The following HS1BP3 variants were observed in gnomAD, a reference collection of about 807,000 sequenced individuals.
The protein encoded by HS1BP3 is HCLS1-binding protein 3.
HS1BP3 carries 32 observed loss-of-function variants against 33.5 expected under a neutral mutation model. The ratio of observed to expected loss-of-function variants is 0.95; its 90% confidence interval spans 0.72 to 1.28. HS1BP3 has a LOEUF of 1.28. Among genes scored for constraint, HS1BP3 ranks in the 50% most tolerant of loss-of-function variants. The probability of loss-of-function intolerance (pLI) is 0.00; values close to 1 mark genes in which losing one functional copy is unlikely to be tolerated. For missense variants in HS1BP3, 486 were observed against 502.3 expected (o/e 0.97, Z 0.31); for synonymous variants, 187 against 209.2 (o/e 0.89, Z 0.92).
At chr2:20,603,710 C>T (rs12987883) in intron 2 of HS1BP3, among the ~76,000 whole-genome samples, 27,578 of 152,148 alleles carry the variant, frequency 0.18, 2,737 homozygotes, top group Non-Finnish European at 0.23. Context: ...TGAATTTACA[C>T]CTTAAGTGAG....
chr2:20,576,120 A>G (rs1192770521), intron 5 of HS1BP3, among the ~76,000 whole-genome samples: 1 of 152,148 alleles, frequency 6.6e-6, no homozygotes, highest in Non-Finnish European at 1.5e-5. Context: ...CTGGGACTAC[A>G]GGTATATGTC....
chr2:20,586,295 T>C (rs563902934), intron 5 of HS1BP3: 2 of 152,308 alleles, frequency 1.3e-5, no homozygotes, highest in South Asian at 2.1e-4. Flanking sequence ...CAGACATCTT[T>C]CACAACAGAG....
At chr2:20,592,413 T>A (rs11096678), downstream of HS1BP3, 152,225 of 165,450 alleles carry the variant, frequency 0.92, 71,385 homozygotes, top group East Asian at 1. Context: ...AGTTCTAGCC[T>A]TCACTCACCT....
chr2:20,577,431 C>T (rs1459960643), intron 5 of HS1BP3, among the ~76,000 whole-genome samples: 2 of 152,116 alleles, frequency 1.3e-5, no homozygotes, highest in African/African-American at 4.8e-5. Flanking sequence ...AGGGCCTTGT[C>T]CAGGGCTTCC....
chr2:20,596,010 G>A (rs947021546), intron 3 of HS1BP3, among the ~76,000 whole-genome samples: 1 of 152,206 alleles, frequency 6.6e-6, no homozygotes, highest in Non-Finnish European at 1.5e-5. Flanking sequence ...GAAATGTAAA[G>A]CAGAGTGGTC....
At chr2:20,648,051 T>TA (rs1185577881) in intron 1 of HS1BP3, among the ~76,000 whole-genome samples, 1 of 152,210 alleles carries the variant, frequency 6.6e-6, no homozygotes, top group Non-Finnish European at 1.5e-5. Context: ...TGGCTGCTCC[T>TA]AAGGCCAACC....
At chr2:20,638,771 T>G in intron 3 of HS1BP3, 119 bp from the exon 4 acceptor site, 2 of 763,706 alleles carry the variant, frequency 2.6e-6, no homozygotes, top group Admixed American at 2.7e-5. Context: ...TGCAGCCTCC[T>G]GGGACCAAAC....
At chr2:20,614,022 T>C (rs1457073431), downstream of HS1BP3, among the ~76,000 whole-genome samples, 2 of 152,184 alleles carry the variant, frequency 1.3e-5, no homozygotes. Flanking sequence ...ATCCAATGAC[T>C]GGTATTCTTT....
rs377095058 is a variant in HS1BP3 at position 20,631,553 on chromosome 2, A to AAAAAAT, written c.624-6662_624-6661insATTTTT. Reference sequence around the variant, plus strand: ...AAAAAAAAAAAAAAAAAAAAAAAAAAGGGGCCAGCCAGGGAGGTCACCATG... The same window carrying AAAAAAT: ...AAAAAAAAAAAAAAAAAAAAAAAAAAAAAAATGGGGCCAGCCAGGGAGGTCACCATG... On this transcript the variant is annotated intron_variant, in intron 4 of 6. Coordinates refer to ENST00000304031, the MANE Select transcript of HS1BP3 (RefSeq NM_022460.4). Among the ~76,000 whole-genome samples the AAAAAAT allele has an allele frequency of 1.8e-5, 2 of 108,206 alleles. 1 individual carries two copies. The highest frequency in any genetic ancestry group is 6.9e-5 in the African/African-American group (2 of 29,050). The allele number at this position is 108,206 out of a possible 152,430, so 71.0% of individuals were successfully genotyped here. A position where few individuals can be genotyped will look rare whatever the true frequency, so the allele number is the denominator to read the frequency against.
downstream of HS1BP3, among the ~76,000 whole-genome samples, chr2:20,588,702 C>T (rs1329670489): frequency 1.3e-5 from 2 of 152,224 alleles, no homozygotes; most frequent in East Asian, 3.8e-4. Flanking sequence ...CACATCAGCC[C>T]ATGTGGGAGC....
At chr2:20,632,881 G>T (rs1226836850) in intron 4 of HS1BP3, among the ~76,000 whole-genome samples, 2 of 152,204 alleles carry the variant, frequency 1.3e-5, no homozygotes, top group Non-Finnish European at 2.9e-5. Flanking sequence ...ACATCACAGT[G>T]ACTGATATTT....
chr2:20,648,239 T>C (rs927412461), intron 1 of HS1BP3, among the ~76,000 whole-genome samples: 2 of 152,210 alleles, frequency 1.3e-5, no homozygotes, highest in Non-Finnish European at 1.5e-5. Context: ...ACATTCCCCT[T>C]GCTCCGTTTC....
Position 20,641,020 on chromosome 2 carries a change from G to A in HS1BP3, c.359C>T (p.Ser120Phe), listed in dbSNP as rs776615400. 38 of 1,614,070 alleles carry A rather than the reference G, an allele frequency of 2.4e-5. No homozygotes were observed. The highest frequency in any genetic ancestry group is 3.0e-5 in the Non-Finnish European group (35 of 1,180,040). ...AVFNEILRCV[S>F]KDAELAGSPE... ...GCTGCCTGCCAACTCGGCATCCTTG[G>A]AGACACAGCGCAGGATCTCATTGAA... Residue 120 changes from serine (S) to phenylalanine (F), a missense_variant, in exon 3 of 7, where the codon TCC becomes TTC. Ser to Phe is a radical substitution (Grantham distance 155). Coordinates refer to ENST00000304031, the MANE Select transcript of HS1BP3 (RefSeq NM_022460.4).
chr2:20,619,498 C>A (rs75579778), intron 6 of HS1BP3, among the ~76,000 whole-genome samples: 1,642 of 152,312 alleles, frequency 0.011, 26 homozygotes, highest in African/African-American at 0.038. Flanking sequence ...AGGCCCCACG[C>A]AGCCTCCTGA....
At chr2:20,559,708 GTGGA>G (rs143038030), downstream of HS1BP3, among the ~76,000 whole-genome samples, 99,455 of 143,190 alleles carry the variant, frequency 0.69, 35,743 homozygotes, top group East Asian at 0.79. Context: ...GGGTGGGTGG[GTGGA>G]TGGATGGATG....
downstream of HS1BP3, among the ~76,000 whole-genome samples, chr2:20,555,501 G>A (rs1284305311): frequency 6.6e-6 from 1 of 152,148 alleles, no homozygotes. Flanking sequence ...CACTATAGGG[G>A]TACCCACATG....
In HS1BP3 at chr2:20,572,883, C is replaced by A. The variant is rs531952953; in HGVS notation, c.303-12368G>T. 2.1e-3 allele frequency among the ~76,000 whole-genome samples: 323 copies of A among 152,298 alleles called. 1 individual carries two copies. Among genetic ancestry groups the A allele is most frequent in the African/African-American group, 7.5e-3 (310 of 41,566 alleles). On this transcript the variant is annotated intron_variant, in intron 5 of 5. Transcript: ENST00000446825. ...GCACTTCTAACTGCTCCCTGCCAAG[C>A]CCCATGGGAGCAGAGGGGCCTGGGC...
chr2:20,641,827 G>T (rs1436374170), intron 2 of HS1BP3, among the ~76,000 whole-genome samples: 2 of 152,174 alleles, frequency 1.3e-5, no homozygotes, highest in Non-Finnish European at 2.9e-5. Flanking sequence ...GACTCCCGCT[G>T]CCTCCTTGGC....
intron 2 of HS1BP3, among the ~76,000 whole-genome samples, chr2:20,643,363 A>G (rs1170167489): frequency 6.6e-6 from 1 of 152,120 alleles, no homozygotes; most frequent in East Asian, 1.9e-4. Context: ...TCCCTCCTTC[A>G]TGCCCCGCAA....
Sources: allele counts gnomAD v4.1 joint callset (sites outside exome capture counted in the v4.1 genomes callset), GRCh38; gene constraint gnomAD v4.1.1; transcripts MANE v1.5; gene names NCBI Gene and HGNC (gene_info 2026-07-23, HGNC 2026-07-21).